The following LRBA variants were observed in gnomAD, a reference collection of about 807,000 sequenced individuals.
The protein encoded by LRBA is lipopolysaccharide-responsive and beige-like anchor protein.
LRBA carries 176 observed loss-of-function variants against 330.0 expected under a neutral mutation model. That is an observed-to-expected ratio of 0.53 (90% CI 0.47 to 0.60). The LOEUF (loss-of-function observed/expected upper bound fraction) is 0.60, where lower values mean the gene tolerates loss of function less well. Ranked by LOEUF, LRBA falls within the 20% of genes least tolerant of loss-of-function variation. The pLI is 0.00. For synonymous variants in LRBA, 1,230 were observed against 1,193.0 expected (o/e 1.03, Z -0.64); for missense variants, 3,259 against 3,444.8 (o/e 0.95, Z 1.35).
chr4:150,709,469 T>C (rs1162652440), intron 36 of LRBA, among the ~76,000 whole-genome samples: 2 of 152,010 alleles, frequency 1.3e-5, no homozygotes, highest in Non-Finnish European at 2.9e-5. Flanking sequence ...CTCCTGCTAA[T>C]AATAGGCTGA....
In LRBA at chr4:150,961,865, T is replaced by C. The variant is rs578112932; in HGVS notation, c.217-32800A>G. Among the ~76,000 whole-genome samples, 7 of 149,758 alleles carry C rather than the reference T, an allele frequency of 4.7e-5. No individual in the cohort carries two copies. In the South Asian group the frequency reaches 1.4e-3, roughly 31 times the overall value. ...TAATAGCAATTTTTAGAGCACTTAC[T>C]TGTGCCAGGCACTAAGAATCTTATG... On this transcript the variant is annotated intron_variant, in intron 2 of 56. Coordinates refer to ENST00000651943, the MANE Select transcript of LRBA (RefSeq NM_001364905.1).
chr4:150,991,257 G>A (rs1742051736), intron 2 of LRBA, among the ~76,000 whole-genome samples: 1 of 152,098 alleles, frequency 6.6e-6, no homozygotes, highest in Non-Finnish European at 1.5e-5. Context: ...TTACTGGTAG[G>A]AATGCAGCAT....
intron 40 of LRBA, among the ~76,000 whole-genome samples, chr4:150,517,182 A>T (rs1306498731): frequency 6.6e-6 from 1 of 152,212 alleles, no homozygotes; most frequent in African/African-American, 2.4e-5. Context: ...AGTTTATATG[A>T]AAATGAAGAA....
intron 37 of LRBA, among the ~76,000 whole-genome samples, chr4:150,649,410 A>G (rs1438434085): frequency 6.6e-6 from 1 of 152,172 alleles, no homozygotes; most frequent in African/African-American, 2.4e-5. Context: ...TTCTCTGTAC[A>G]TGCTCTTCTA....
At chr4:150,547,914 T>G (rs1190350431) in intron 40 of LRBA, among the ~76,000 whole-genome samples, 1 of 152,108 alleles carries the variant, frequency 6.6e-6, no homozygotes, top group Non-Finnish European at 1.5e-5. Context: ...CACTAATAAT[T>G]TTTCGCTTTA....
At chr4:150,316,562 T>G (rs1322769661) in intron 50 of LRBA, among the ~76,000 whole-genome samples, 1 of 152,126 alleles carries the variant, frequency 6.6e-6, no homozygotes, top group East Asian at 1.9e-4. Context: ...CAAACTATTT[T>G]CCCCAAACGA....
At chr4:150,406,980 C>T (rs1302359040) in intron 47 of LRBA, among the ~76,000 whole-genome samples, 4 of 152,088 alleles carry the variant, frequency 2.6e-5, no homozygotes, top group Non-Finnish European at 5.9e-5. Context: ...TGGGGTTTTG[C>T]CATGTTCGCC....
intron 9 of LRBA, among the ~76,000 whole-genome samples, chr4:150,913,513 T>C (rs1230105565): frequency 6.6e-6 from 1 of 152,206 alleles, no homozygotes; most frequent in Non-Finnish European, 1.5e-5. Context: ...TACTGTTGTT[T>C]CATCGAGTGT....
intron 53 of LRBA, among the ~76,000 whole-genome samples, chr4:150,289,600 T>A (rs189686832): frequency 1.3e-5 from 2 of 152,352 alleles, no homozygotes; most frequent in East Asian, 3.9e-4. Flanking sequence ...TGTACATTAC[T>A]GGCCTCTATA....
chr4:150,312,889 T>C (rs1731243541), intron 51 of LRBA, among the ~76,000 whole-genome samples: 2 of 152,084 alleles, frequency 1.3e-5, no homozygotes, highest in Non-Finnish European at 1.5e-5. Context: ...AGGTTCCATC[T>C]ATAAAAACAA....
chr4:150,656,392 T>C (rs1481972634), intron 37 of LRBA, among the ~76,000 whole-genome samples: 3 of 152,206 alleles, frequency 2.0e-5, no homozygotes, highest in Admixed American at 2.0e-4. Context: ...AGGCTTATTT[T>C]GTTTGTGTTG....
intron 44 of LRBA, among the ~76,000 whole-genome samples, chr4:150,449,476 A>T (rs990032531): frequency 6.6e-6 from 1 of 151,028 alleles, no homozygotes; most frequent in Non-Finnish European, 1.5e-5. Flanking sequence ...TATCCACCCC[A>T]CAACAAGCCT....
intron 40 of LRBA, among the ~76,000 whole-genome samples, chr4:150,578,062 A>G (rs1208262862): frequency 1.3e-5 from 2 of 152,182 alleles, no homozygotes; most frequent in Non-Finnish European, 2.9e-5. Context: ...TTACTTCCAT[A>G]CTGTTTTCCT....
At chr4:150,298,049 T>C (rs145029283) in intron 53 of LRBA, among the ~76,000 whole-genome samples, 10 of 152,252 alleles carry the variant, frequency 6.6e-5, no homozygotes, top group African/African-American at 2.2e-4. Flanking sequence ...AGTCCCCAAA[T>C]GCATCCAGCA....
intron 40 of LRBA, among the ~76,000 whole-genome samples, chr4:150,503,864 T>A (rs866799346): frequency 5.9e-5 from 9 of 152,038 alleles, no homozygotes; most frequent in Non-Finnish European, 8.8e-5. Flanking sequence ...GACGAATGGA[T>A]AACTAGAATA....
intron 40 of LRBA, among the ~76,000 whole-genome samples, chr4:150,586,894 T>G (rs1772178941): frequency 6.6e-6 from 1 of 152,136 alleles, no homozygotes; most frequent in Non-Finnish European, 1.5e-5. Flanking sequence ...AGAGTTTAAT[T>G]TTGGTAACCT....
intron 36 of LRBA, among the ~76,000 whole-genome samples, chr4:150,733,010 C>T (rs926542705): frequency 6.6e-6 from 1 of 152,002 alleles, no homozygotes; most frequent in Admixed American, 6.6e-5. Flanking sequence ...TATTTTCCCA[C>T]ATTAACTGAA....
At chr4:150,559,947 A>C (rs13121132) in intron 40 of LRBA, among the ~76,000 whole-genome samples, 1 of 101,002 alleles carries the variant, frequency 9.9e-6, no homozygotes, top group Non-Finnish European at 1.8e-5. Context: ...TATCTATATA[A>C]ATATATATAT....
chr4:150,903,522 T>G lies in LRBA; in HGVS notation c.1755+2316A>C, dbSNP rs535726001. On this transcript the variant is annotated intron_variant, in intron 13 of 56. Transcript: ENST00000651943. Reference sequence around the variant, plus strand: ...GGGGGGCTGAGGCAGGTAGATCACTTGAGCCCAGGAGTTCGAGACCAGCCT... The same window carrying G: ...GGGGGGCTGAGGCAGGTAGATCACTGGAGCCCAGGAGTTCGAGACCAGCCT... Among the ~76,000 whole-genome samples, 128 of 152,218 alleles carry G rather than the reference T, an allele frequency of 8.4e-4. 1 individual carries two copies. The highest frequency in any genetic ancestry group is 1.5e-3 in the South Asian group (7 of 4,816).
Sources: allele counts gnomAD v4.1 joint callset (sites outside exome capture counted in the v4.1 genomes callset), GRCh38; gene constraint gnomAD v4.1.1; transcripts MANE v1.5; gene names NCBI Gene and HGNC (gene_info 2026-07-23, HGNC 2026-07-21).